BNC2: variants seen among roughly 807,000 people sequenced by gnomAD.
BNC2 encodes zinc finger protein basonuclin-2.
BNC2 carries 20 observed loss-of-function variants against 76.3 expected under a neutral mutation model. That is an observed-to-expected ratio of 0.26 (90% CI 0.18 to 0.38). BNC2 has a LOEUF of 0.38. Ranked by LOEUF, BNC2 falls within the 10% of genes least tolerant of loss-of-function variation. The pLI is 1.00. For missense variants in BNC2, 1,382 were observed against 1,399.8 expected (o/e 0.99, Z 0.20); for synonymous variants, 582 against 514.8 (o/e 1.13, Z -1.77).
intron 5 of BNC2, among the ~76,000 whole-genome samples, chr9:16,530,065 T>C (rs892859638): frequency 1.3e-5 from 2 of 151,996 alleles, no homozygotes; most frequent in Non-Finnish European, 1.5e-5. Flanking sequence ...TGTTGGCCAG[T>C]CTGGTCTTGA....
intron 5 of BNC2, 151 bp from the exon 6 acceptor site, chr9:16,437,675 C>A (rs1009925472): frequency 2.2e-6 from 2 of 921,498 alleles, no homozygotes; most frequent in Non-Finnish European, 3.2e-6. Flanking sequence ...TAAAAGTCAA[C>A]CCACAAAGCA....
intron 5 of BNC2, among the ~76,000 whole-genome samples, chr9:16,501,655 A>G (rs1021168261): frequency 6.6e-6 from 1 of 152,196 alleles, no homozygotes; most frequent in African/African-American, 2.4e-5. Flanking sequence ...TTATCCTGAG[A>G]TACATAGAAA....
At chr9:16,823,297 T>C (rs911863903) in intron 1 of BNC2, among the ~76,000 whole-genome samples, 1 of 151,954 alleles carries the variant, frequency 6.6e-6, no homozygotes, top group African/African-American at 2.4e-5. Context: ...AGTTCTATAG[T>C]GACATGTAAG....
At chr9:16,568,961 T>C (rs917284241) in intron 4 of BNC2, among the ~76,000 whole-genome samples, 2 of 151,986 alleles carry the variant, frequency 1.3e-5, no homozygotes, top group African/African-American at 4.8e-5. Context: ...ACTGTCAAGG[T>C]TGAATTAATT....
intron 1 of BNC2, among the ~76,000 whole-genome samples, chr9:16,750,846 G>T (rs747770039): frequency 2.0e-5 from 3 of 152,136 alleles, no homozygotes; most frequent in Admixed American, 6.5e-5. Context: ...AAATTTGGGT[G>T]AATGAATGAA....
chr9:16,607,343 G>C (rs1282866281), intron 3 of BNC2, among the ~76,000 whole-genome samples: 1 of 151,968 alleles, frequency 6.6e-6, no homozygotes, highest in East Asian at 1.9e-4. Flanking sequence ...AATAATTAGG[G>C]AATGTAGAAA....
intron 5 of BNC2, among the ~76,000 whole-genome samples, chr9:16,523,897 T>C (rs1356179434): frequency 3.3e-5 from 5 of 152,122 alleles, no homozygotes; most frequent in African/African-American, 4.8e-5. Flanking sequence ...GAGGCAGAGA[T>C]TGCAGTGAGC....
chr9:16,849,408 G>C (rs1308806486), intron 1 of BNC2, among the ~76,000 whole-genome samples: 2 of 141,918 alleles, frequency 1.4e-5, no homozygotes, highest in South Asian at 2.2e-4. Flanking sequence ...GCCCAGGCTG[G>C]AGTACAGTGG....
intron 2 of BNC2, among the ~76,000 whole-genome samples, chr9:16,732,816 G>A (rs1351728435): frequency 1.3e-5 from 2 of 152,096 alleles, no homozygotes; most frequent in East Asian, 1.9e-4. Context: ...GCTCCACATC[G>A]CATGACAATC....
intron 5 of BNC2, among the ~76,000 whole-genome samples, chr9:16,483,210 T>C (rs1159090733): frequency 1.3e-5 from 2 of 152,198 alleles, no homozygotes; most frequent in African/African-American, 4.8e-5. Context: ...AAATGAAAAG[T>C]ATATTCTCTA....
At chr9:16,454,378 C>T (rs967943026) in intron 5 of BNC2, among the ~76,000 whole-genome samples, 2 of 152,080 alleles carry the variant, frequency 1.3e-5, no homozygotes, top group Non-Finnish European at 2.9e-5. Context: ...TCATAGCTCA[C>T]TTCAGCCTGA....
At chr9:16,644,396 G>T (rs1821568755) in intron 3 of BNC2, among the ~76,000 whole-genome samples, 1 of 152,024 alleles carries the variant, frequency 6.6e-6, no homozygotes, top group South Asian at 2.1e-4. Context: ...GGATGGTATT[G>T]AGCATTGAAA....
intron 1 of BNC2, among the ~76,000 whole-genome samples, chr9:16,803,705 C>A (rs933535491): frequency 9.2e-5 from 14 of 152,320 alleles, no homozygotes; most frequent in Admixed American, 9.1e-4. Flanking sequence ...CATCTATTTA[C>A]AGTTGATTTG....
At chr9:16,525,795 C>CAGAA (rs1209595527) in intron 5 of BNC2, among the ~76,000 whole-genome samples, 2 of 152,190 alleles carry the variant, frequency 1.3e-5, no homozygotes, top group Non-Finnish European at 2.9e-5. Flanking sequence ...ATCAAACACA[C>CAGAA]AGAAAGATAT....
intron 5 of BNC2, among the ~76,000 whole-genome samples, chr9:16,522,455 A>C (rs1817648430): frequency 6.6e-6 from 1 of 152,110 alleles, no homozygotes; most frequent in African/African-American, 2.4e-5. Context: ...CCTTAGCTAG[A>C]GACATATGAA....
intron 2 of BNC2, among the ~76,000 whole-genome samples, chr9:16,729,329 A>G (rs1468864389): frequency 6.6e-6 from 1 of 152,188 alleles, no homozygotes; most frequent in African/African-American, 2.4e-5. Context: ...CCACCTACAA[A>G]TATCGAGGAC....
intron 6 of BNC2, chr9:16,434,781 A>G (rs750972089): frequency 6.6e-6 from 3 of 454,574 alleles, no homozygotes; most frequent in Non-Finnish European, 1.3e-5. Flanking sequence ...AAGGCTGGAC[A>G]TAATATATTC....
chr9:16,532,633 C>T (rs1248444589), intron 5 of BNC2, among the ~76,000 whole-genome samples: 1 of 152,044 alleles, frequency 6.6e-6, no homozygotes, highest in Admixed American at 6.6e-5. Flanking sequence ...TAGAAACATG[C>T]AATGAAAAAA....
At chr9:16,772,321 G>A (rs1385795857) in intron 1 of BNC2, among the ~76,000 whole-genome samples, 3 of 152,088 alleles carry the variant, frequency 2.0e-5, no homozygotes, top group Non-Finnish European at 4.4e-5. Context: ...TGAATTATTA[G>A]ATCTGTGTCA....
Sources: gnomAD v4.1 joint callset for allele counts (sites outside exome capture counted in the v4.1 genomes callset) on GRCh38, gnomAD v4.1.1 for gene constraint, MANE v1.5 for transcripts, NCBI Gene and HGNC (gene_info 2026-07-23, HGNC 2026-07-21) for gene names.